The following MSRA variants were observed in gnomAD, a reference collection of about 807,000 sequenced individuals.
MSRA encodes mitochondrial peptide methionine sulfoxide reductase.
A neutral mutation model predicts 31.3 loss-of-function variants in MSRA; 54 were observed. The observed-to-expected ratio is 1.73, with a 90% CI of 1.39 to 2.17. The LOEUF (loss-of-function observed/expected upper bound fraction) is 2.17. Ranked by LOEUF, MSRA falls within the 30% of genes most tolerant of loss-of-function variation. MSRA has a pLI of 0.00. For synonymous variants in MSRA, 169 were observed against 116.5 expected, an observed-to-expected ratio of 1.45 and a Z score of -2.90; for missense variants, 507 against 300.9, an observed-to-expected ratio of 1.69 and a Z score of -5.07.
At chr8:10,190,777 T>C (rs1807440559) in intron 1 of MSRA, among the ~76,000 whole-genome samples, 1 of 152,214 alleles carries the variant, frequency 6.6e-6, no homozygotes, top group Non-Finnish European at 1.5e-5. Flanking sequence ...CTATGGTTTT[T>C]GTCATTTTCA....
intron 1 of MSRA, among the ~76,000 whole-genome samples, chr8:10,074,466 C>G (rs1437397784): frequency 2.0e-5 from 3 of 152,018 alleles, no homozygotes; most frequent in Non-Finnish European, 1.5e-5. Flanking sequence ...ACCTGAGTCT[C>G]TAAGTTAGGA....
At chr8:10,265,655 G>C (rs1286222792) in intron 3 of MSRA, among the ~76,000 whole-genome samples, 4 of 152,172 alleles carry the variant, frequency 2.6e-5, no homozygotes, top group African/African-American at 9.7e-5. Flanking sequence ...AACAGTATAC[G>C]TTTTGACATA....
At chr8:10,156,432 TGTGTGTGTAC>T (rs1200807328) in intron 1 of MSRA, among the ~76,000 whole-genome samples, 1 of 151,656 alleles carries the variant, frequency 6.6e-6, no homozygotes, top group Admixed American at 6.6e-5. Flanking sequence ...AAGGAAAGCA[TGTGTGTGTAC>T]GTGTGTGTAT....
At chr8:10,200,317 T>C (rs1808385177) in intron 1 of MSRA, among the ~76,000 whole-genome samples, 1 of 152,216 alleles carries the variant, frequency 6.6e-6, no homozygotes, top group Non-Finnish European at 1.5e-5. Context: ...CCTCTGTTTT[T>C]CCATCACATA....
intron 1 of MSRA, among the ~76,000 whole-genome samples, chr8:10,111,510 G>A (rs1003136523): frequency 2.6e-5 from 4 of 152,158 alleles, no homozygotes; most frequent in African/African-American, 7.2e-5. Flanking sequence ...CACTCCTGCA[G>A]TAAGGGAATT....
intron 4 of MSRA, among the ~76,000 whole-genome samples, chr8:10,315,573 A>G (rs909200131): frequency 5.9e-5 from 9 of 152,246 alleles, no homozygotes; most frequent in Admixed American, 2.0e-4. Context: ...CTACAAAGGT[A>G]TAATATGTCG....
At chr8:10,109,001 G>A (rs2096464894) in intron 1 of MSRA, among the ~76,000 whole-genome samples, 1 of 152,200 alleles carries the variant, frequency 6.6e-6, no homozygotes, top group Non-Finnish European at 1.5e-5. Flanking sequence ...CCATCAGCAG[G>A]TGTACTGAAC....
rs34388218 is a variant in MSRA at position 10,151,261 on chromosome 8, CAAA to C, written c.143-56547_143-56545del. Among the ~76,000 whole-genome samples, 201 of 109,152 alleles carry C rather than the reference CAAA, an allele frequency of 1.8e-3. 1 individual carries two copies. Among genetic ancestry groups the C allele is most frequent in the Non-Finnish European group, 2.5e-3 (123 of 49,838 alleles). The allele number at this position is 109,152 out of a possible 152,430, so 71.6% of individuals were successfully genotyped here. On this transcript the variant is annotated intron_variant, in intron 1 of 5. Transcript: ENST00000317173. Reference sequence around the variant, plus strand: ...TGGGTGACAGAGCGAGAGTCTGTCTCAAAAAAAAAAAAAAAAAAAAAAAAAAAT... The same window carrying C: ...TGGGTGACAGAGCGAGAGTCTGTCTCAAAAAAAAAAAAAAAAAAAAAAAAT...
intron 1 of MSRA, among the ~76,000 whole-genome samples, chr8:10,104,673 C>T (rs1799763500): frequency 6.6e-6 from 1 of 152,154 alleles, no homozygotes; most frequent in African/African-American, 2.4e-5. Flanking sequence ...GTAAATGTTT[C>T]TTATCAGACT....
chr8:10,085,242 G>A (rs185602536), intron 1 of MSRA, among the ~76,000 whole-genome samples: 140 of 152,222 alleles, frequency 9.2e-4, no homozygotes, highest in Middle Eastern at 3.4e-3. Flanking sequence ...CTTTGGGTTT[G>A]TTCTTGAGAA....
At chr8:10,388,689 A>T (rs1025589273) in intron 5 of MSRA, among the ~76,000 whole-genome samples, 1 of 152,068 alleles carries the variant, frequency 6.6e-6, no homozygotes, top group African/African-American at 2.4e-5. Context: ...CCTTCTTTGT[A>T]AGTGGAGCTA....
intron 5 of MSRA, among the ~76,000 whole-genome samples, chr8:10,415,078 G>A (rs902910899): frequency 1.3e-5 from 2 of 152,184 alleles, no homozygotes; most frequent in African/African-American, 4.8e-5. Flanking sequence ...ACCATCCTGC[G>A]GGTGGAGGGT....
chr8:10,196,793 A>G (rs1007133555), intron 1 of MSRA, among the ~76,000 whole-genome samples: 3 of 151,718 alleles, frequency 2.0e-5, no homozygotes, highest in African/African-American at 7.3e-5. Flanking sequence ...GCTGGTCTCG[A>G]TCTCCTGACC....
At chr8:10,241,245 C>G (rs1585250939) in intron 2 of MSRA, among the ~76,000 whole-genome samples, 1 of 152,032 alleles carries the variant, frequency 6.6e-6, no homozygotes, top group East Asian at 1.9e-4. Flanking sequence ...ATGGTCGATT[C>G]TGGGACTGGG....
intron 3 of MSRA, among the ~76,000 whole-genome samples, chr8:10,287,735 C>T (rs891905223): frequency 3.9e-5 from 6 of 152,142 alleles, no homozygotes; most frequent in African/African-American, 1.4e-4. Flanking sequence ...TTGTTTCAGA[C>T]CTGGATATCC....
intron 1 of MSRA, among the ~76,000 whole-genome samples, chr8:10,176,878 C>T (rs913284026): frequency 2.0e-5 from 3 of 152,124 alleles, no homozygotes; most frequent in Admixed American, 6.5e-5. Context: ...TTTTCAATAA[C>T]CTGTATCATT....
intron 2 of MSRA, among the ~76,000 whole-genome samples, chr8:10,228,786 T>C (rs1811216042): frequency 6.6e-6 from 1 of 152,226 alleles, no homozygotes; most frequent in Non-Finnish European, 1.5e-5. Context: ...GCATCTTCCT[T>C]GTAGGGTTAT....
At chr8:10,130,671 A>G (rs1801831931) in intron 1 of MSRA, among the ~76,000 whole-genome samples, 1 of 152,212 alleles carries the variant, frequency 6.6e-6, no homozygotes. Flanking sequence ...TTGAAATTAC[A>G]TAGGGAAACC....
intron 5 of MSRA, among the ~76,000 whole-genome samples, chr8:10,386,978 T>C (rs781342207): frequency 1.7e-4 from 26 of 151,774 alleles, no homozygotes; most frequent in Non-Finnish European, 3.5e-4. Flanking sequence ...CTGTCAAATA[T>C]TGATGTGCGT....
Sources: allele counts gnomAD v4.1 joint callset (sites outside exome capture counted in the v4.1 genomes callset), GRCh38; gene constraint gnomAD v4.1.1; transcripts MANE v1.5; gene names NCBI Gene and HGNC (gene_info 2026-07-23, HGNC 2026-07-21).